ZNF80: variants seen among roughly 807,000 people sequenced by gnomAD.
ZNF80 encodes the protein zinc finger protein 80, also known as ZNFPT17.
For missense variants in ZNF80, 394 were observed against 334.1 expected (o/e 1.18, Z -1.40); for synonymous variants, 132 against 119.4 (o/e 1.11, Z -0.69).
At position 114,236,254 on chromosome 3, in the gene ZNF80, C is replaced by G; in HGVS notation, c.821G>C (p.Ter274SerextTer19). 1.3e-6 allele frequency: 2 copies of G among 1,561,792 alleles called. No individual in the cohort carries two copies. Among genetic ancestry groups the G allele is most frequent in the Non-Finnish European group, 1.7e-6 (2 of 1,157,538 alleles). ...CACAAATTCCCACATCATTTGCACT[C>G]AAAGGTTTTTTCCTCCAGAGTGGAT... The part of the protein sequence containing the change: ...SKIHSGGKNL[*>S] The change falls in exon 1 of 1, where the codon TGA (stop) becomes TCA (serine). Residue 274 changes from the stop codon to serine (S), a stop_lost. Transcript: ENST00000482457.
chr3:114,236,401 C>T lies in ZNF80; in HGVS notation c.674G>A (p.Gly225Asp), dbSNP rs964386649. 8 of 1,612,106 alleles carry T rather than the reference C, an allele frequency of 5.0e-6. No individual in the cohort carries two copies. The highest frequency in any genetic ancestry group is 6.8e-6 in the Non-Finnish European group (8 of 1,178,504). Residue 225 changes from glycine (G) to aspartate (D), a missense_variant, in exon 1 of 1, where the codon GGT becomes GAT. By Grantham distance (94) the Gly-to-Asp change is moderately conservative. Transcript: ENST00000482457. ...AGTGAGGGAATAGCTGTAGTAAAAA[C>T]CTTTCCCACATTCTTTGCACTCGTA... ...KPYECKECGK[G>D]FYYSYSLTRH...
chr3:114,236,775 T>G lies in ZNF80; in HGVS notation c.300A>C (p.Thr100=), dbSNP rs1271455682. 6.2e-7 allele frequency: 1 copy of G among 1,614,120 alleles called. No individual in the cohort carries two copies. Among genetic ancestry groups the G allele is most frequent in the Non-Finnish European group, 8.5e-7 (1 of 1,180,002 alleles). ...CCACGCACTTACAGGGCTTCTCCCC[T>G]GTGTGAATCCTCATGGGTCGAACGA... ...VDFVRPMRIH[T]GEKPCKCVEC... The change falls in exon 1 of 1, where the codon ACA becomes ACC. Residue 100 remains threonine, a synonymous_variant. Coordinates refer to ENST00000482457, the MANE Select transcript of ZNF80 (RefSeq NM_007136.4).
Position 114,236,836 on chromosome 3 carries a change from T to C in ZNF80, c.239A>G (p.Gln80Arg). Reference sequence around the variant, plus strand: ...TTCAGGAAAGGCTTTTCCACACTCCTGGCATTCATAAGGCTTCACCCCAGT... The same window carrying C: ...TTCAGGAAAGGCTTTTCCACACTCCCGGCATTCATAAGGCTTCACCCCAGT... ...IHTGVKPYECQECGKAFPEKV... is the reference protein window; with the variant it reads ...IHTGVKPYECRECGKAFPEKV... The change falls in exon 1 of 1, where the codon CAG becomes CGG. Residue 80 changes from glutamine to arginine, a missense_variant. Transcript: ENST00000482457. The C allele has an allele frequency of 6.2e-7, 1 of 1,614,150 alleles. No individual in the cohort carries two copies. Among genetic ancestry groups the C allele is most frequent in the Non-Finnish European group, 8.5e-7 (1 of 1,180,002 alleles).
exon 1 of ZNF80, chr3:114,236,827 C>CCA: frequency 6.2e-7 from 1 of 1,614,122 alleles, no homozygotes; most frequent in Non-Finnish European, 8.5e-7. Flanking sequence ...AAAGGCTTTT[C>CCA]CACACTCCTG....
rs1396626527 is a variant in ZNF80, at chr3:114,236,588, A to G, written c.487T>C (p.Cys163Arg). Reference protein sequence around the residue: ...VTHTGEKLFGCKECGKTFYYN... With the variant: ...VTHTGEKLFGRKECGKTFYYN... ...TAAAAGGTTTTTCCACATTCTTTGC[A>G]CCCAAAGAGTTTTTCTCCAGTGTGG... Residue 163 changes from cysteine to arginine, a missense_variant, in exon 1 of 1, where the codon TGC becomes CGC. Cys to Arg is a radical substitution (Grantham distance 180, BLOSUM62 -3). Coordinates refer to ENST00000482457, the MANE Select transcript of ZNF80 (RefSeq NM_007136.4). 6.2e-7 allele frequency: 1 copy of G among 1,613,960 alleles called. No individual in the cohort carries two copies. The highest frequency in any genetic ancestry group is 8.5e-7 in the Non-Finnish European group (1 of 1,180,026).
chr3:114,235,214 T>C lies in ZNF80; in HGVS notation c.*1039A>G, dbSNP rs1337008619. ...AGCTCTTGTTTAACTTCTAGAAAAC[T>C]AGTGACATGCTCTTGGAGAAGCCCC... On this transcript the variant is annotated 3_prime_UTR_variant, in exon 1 of 1. Coordinates refer to ENST00000482457, the MANE Select transcript of ZNF80 (RefSeq NM_007136.4). 3 of 152,220 alleles carry C rather than the reference T, an allele frequency of 2.0e-5. No individual in the cohort carries two copies. The highest frequency in any genetic ancestry group is 2.9e-5 in the Non-Finnish European group (2 of 68,036). The allele number at this position is 152,220 out of a possible 1,614,324, so 9.4% of individuals were successfully genotyped here.
rs75832123 is a variant in ZNF80 at position 114,235,855 on chromosome 3, A to G, written c.*398T>C. On this transcript the variant is annotated 3_prime_UTR_variant, in exon 1 of 1. Coordinates refer to ENST00000482457, the MANE Select transcript of ZNF80 (RefSeq NM_007136.4). ...TTCCCTTCTTACTTAAAAAAAAAAA[A>G]TCCTGAAGTGGCTTAGTGATATAAA... 6.4e-6 allele frequency: 1 copy of G among 156,690 alleles called. No homozygotes were observed. Among genetic ancestry groups the G allele is most frequent in the Non-Finnish European group, 1.4e-5 (1 of 71,320 alleles). The allele number at this position is 156,690 out of a possible 1,614,324, so 9.7% of individuals were successfully genotyped here.
In ZNF80 at chr3:114,236,981, A is replaced by T. The variant is rs2078206964; in HGVS notation, c.94T>A (p.Cys32Ser). Residue 32 changes from cysteine to serine, a missense_variant, in exon 1 of 1, where the codon TGT becomes AGT. Coordinates refer to ENST00000482457, the MANE Select transcript of ZNF80 (RefSeq NM_007136.4). ...QVSTGDNLHE[C>S]DSQGPSKDTL... ...TCTTTACTTGGTCCCTGGGAGTCACATTCATGGAGATTGTCTCCTGTGGAG... is the reference window on the plus strand; with the variant it reads ...TCTTTACTTGGTCCCTGGGAGTCACTTTCATGGAGATTGTCTCCTGTGGAG... 1 of 1,614,066 alleles carries T rather than the reference A, an allele frequency of 6.2e-7. No individual in the cohort carries two copies. Among genetic ancestry groups the T allele is most frequent in the African/African-American group, 1.3e-5 (1 of 74,918 alleles).
rs1439181727 is a variant in ZNF80, at chr3:114,234,787, C to T, written c.*1466G>A. 6.6e-6 allele frequency: 1 copy of T among 152,158 alleles called. No individual in the cohort carries two copies. Among genetic ancestry groups the T allele is most frequent in the Non-Finnish European group, 1.5e-5 (1 of 68,024 alleles). The allele number at this position is 152,158 out of a possible 1,614,324, so 9.4% of individuals were successfully genotyped here. On this transcript the variant is annotated 3_prime_UTR_variant, in exon 1 of 1. Transcript: ENST00000482457. ...GGTCCATCCCATTTCCTGCAGAAAA[C>T]CACTATTAACAGTTTTATGCTTATA...
chr3:114,235,897 G>GATCTC lies in ZNF80; in HGVS notation c.*355_*356insGAGAT. 1.1e-5 allele frequency: 2 copies of GATCTC among 185,756 alleles called. No homozygotes were observed. The highest frequency in any genetic ancestry group is 5.4e-5 in the Admixed American group (1 of 18,656). The allele number at this position is 185,756 out of a possible 1,614,324, so 11.5% of individuals were successfully genotyped here. A position where few individuals can be genotyped will look rare whatever the true frequency, so the allele number is the denominator to read the frequency against. On this transcript the variant is annotated 3_prime_UTR_variant, in exon 1 of 1. Transcript: ENST00000482457. ...TGATATAAACTATGGAGAGAGGTGT[G>GATCTC]GGTGGTTCTTTTAAGTGCACAATAA... is the stretch of plus-strand genomic sequence containing the variant.
chr3:114,236,986 T>C lies in ZNF80; in HGVS notation c.89A>G (p.His30Arg). ...ACTTGGTCCCTGGGAGTCACATTCA[T>C]GGAGATTGTCTCCTGTGGAGACCTG... ...QEQVSTGDNL[H>R]ECDSQGPSKD... The change falls in exon 1 of 1, where the codon CAT (histidine) becomes CGT (arginine). Residue 30 changes from histidine (H) to arginine (R), a missense_variant. Physicochemically the swap from His to Arg is conservative, Grantham distance 29. Coordinates refer to ENST00000482457, the MANE Select transcript of ZNF80 (RefSeq NM_007136.4). The C allele has an allele frequency of 6.2e-7, 1 of 1,614,196 alleles. No homozygotes were observed. The highest frequency in any genetic ancestry group is 8.5e-7 in the Non-Finnish European group (1 of 1,180,012).
chr3:114,236,554 G>A lies in ZNF80; in HGVS notation c.521C>T (p.Ser174Phe). 6.2e-7 allele frequency: 1 copy of A among 1,614,044 alleles called. No individual in the cohort carries two copies. The part of the protein sequence containing the change: ...KECGKTFYYN[S>F]SLTRHMKIHT... ...AATCTTCATGTGCCGGGTTAAGGAA[G>A]AGTTGTAGTAAAAGGTTTTTCCACA... Residue 174 changes from serine to phenylalanine, a missense_variant, in exon 1 of 1, where the codon TCT becomes TTT. By Grantham distance (155) the Ser-to-Phe change is radical. Coordinates refer to ENST00000482457, the MANE Select transcript of ZNF80 (RefSeq NM_007136.4).
In ZNF80 at chr3:114,236,131, T is replaced by TGA; in HGVS notation, c.*120_*121dup. ...GGAATTCTTCAATGCCAAGTGAGGA[T>TGA]GAGCTGCAGGTCACAGCTTTCCTAC... On this transcript the variant is annotated 3_prime_UTR_variant, in exon 1 of 1. Coordinates refer to ENST00000482457, the MANE Select transcript of ZNF80 (RefSeq NM_007136.4). 1.4e-6 allele frequency: 1 copy of TGA among 701,360 alleles called. No individual in the cohort carries two copies. The highest frequency in any genetic ancestry group is 2.4e-6 in the Non-Finnish European group (1 of 423,236). 43.4% of individuals were successfully genotyped at this position (701,360 alleles called of 1,614,324 possible). A position where few individuals can be genotyped will look rare whatever the true frequency, so the allele number is the denominator to read the frequency against.
chr3:114,236,730 G>C lies in ZNF80; in HGVS notation c.345C>G (p.Asn115Lys). The part of the protein sequence containing the change: ...CKCVECGKVF[N>K]RRSHLLCYRQ... ...GGTAGCACAGGAGGTGCGACCTGCG[G>C]TTGAAGACCTTCCCGCACTCCACGC... Residue 115 changes from asparagine (N) to lysine (K), a missense_variant, in exon 1 of 1, where the codon AAC becomes AAG. Transcript: ENST00000482457. 6.2e-7 allele frequency: 1 copy of C among 1,614,202 alleles called. No individual in the cohort carries two copies. Among genetic ancestry groups the C allele is most frequent in the Non-Finnish European group, 8.5e-7 (1 of 1,180,026 alleles).
rs1434125097 is a variant in ZNF80 at position 114,235,114 on chromosome 3, C to T, written c.*1139G>A. 6.6e-6 allele frequency: 1 copy of T among 152,202 alleles called. No individual in the cohort carries two copies. The highest frequency in any genetic ancestry group is 1.5e-5 in the Non-Finnish European group (1 of 68,034). The allele number at this position is 152,202 out of a possible 1,614,324, so 9.4% of individuals were successfully genotyped here. A position where few individuals can be genotyped will look rare whatever the true frequency, so the allele number is the denominator to read the frequency against. ...GATCTACATGTTTTATATTTTAATA[C>T]ATTGTATTCATCAAAACATTTTTTT... On this transcript the variant is annotated 3_prime_UTR_variant, in exon 1 of 1. Coordinates refer to ENST00000482457, the MANE Select transcript of ZNF80 (RefSeq NM_007136.4).
In ZNF80 at chr3:114,237,303, G is replaced by C. The variant is rs996868457; in HGVS notation, c.-229C>G. The C allele has an allele frequency of 2.2e-6, 1 of 449,478 alleles. No homozygotes were observed. Among genetic ancestry groups the C allele is most frequent in the Non-Finnish European group, 3.9e-6 (1 of 255,148 alleles). The allele number at this position is 449,478 out of a possible 1,614,324, so 27.8% of individuals were successfully genotyped here. A position where few individuals can be genotyped will look rare whatever the true frequency, so the allele number is the denominator to read the frequency against. Reference sequence around the variant, plus strand: ...TTCCTTCTGGCGGGTTCGTGGTCTCGCTGGCTCAGGAGTGAAGCTGCAGAC... The same window carrying C: ...TTCCTTCTGGCGGGTTCGTGGTCTCCCTGGCTCAGGAGTGAAGCTGCAGAC... On this transcript the variant is annotated 5_prime_UTR_variant, in exon 1 of 1. Coordinates refer to ENST00000482457, the MANE Select transcript of ZNF80 (RefSeq NM_007136.4).
chr3:114,235,116 T>C lies in ZNF80; in HGVS notation c.*1137A>G, dbSNP rs542687964. 2 of 152,366 alleles carry C rather than the reference T, an allele frequency of 1.3e-5. No individual in the cohort carries two copies. The highest frequency in any genetic ancestry group is 4.1e-4 in the South Asian group (2 of 4,834). The allele number at this position is 152,366 out of a possible 1,614,324, so 9.4% of individuals were successfully genotyped here. Reference sequence around the variant, plus strand: ...TCTACATGTTTTATATTTTAATACATTGTATTCATCAAAACATTTTTTTCT... The same window carrying C: ...TCTACATGTTTTATATTTTAATACACTGTATTCATCAAAACATTTTTTTCT... On this transcript the variant is annotated 3_prime_UTR_variant, in exon 1 of 1. Coordinates refer to ENST00000482457, the MANE Select transcript of ZNF80 (RefSeq NM_007136.4).
Position 114,236,609 on chromosome 3 carries a change from T to C in ZNF80, c.466A>G (p.Thr156Ala), listed in dbSNP as rs2078203754. Residue 156 changes from threonine (T) to alanine (A), a missense_variant, in exon 1 of 1, where the codon ACT (threonine) becomes GCT (alanine). Coordinates refer to ENST00000482457, the MANE Select transcript of ZNF80 (RefSeq NM_007136.4). ...SVFIQHRVTH[T>A]GEKLFGCKEC... ...TTGCACCCAAAGAGTTTTTCTCCAG[T>C]GTGGGTCACACGATGCTGGATGAAG... 1 of 1,613,974 alleles carries C rather than the reference T, an allele frequency of 6.2e-7. No homozygotes were observed.
exon 1 of ZNF80, chr3:114,236,706 G>T (rs2078204665): frequency 1.2e-6 from 2 of 1,613,990 alleles, no homozygotes; most frequent in African/African-American, 2.7e-5. Flanking sequence ...GAATCTGGCG[G>T]TAGCACAGGA....
Sources: allele counts gnomAD v4.1 joint callset, GRCh38; gene constraint gnomAD v4.1.1; transcripts MANE v1.5; gene names NCBI Gene and HGNC (gene_info 2026-07-23, HGNC 2026-07-21).